ALK: variants seen among roughly 807,000 people sequenced by gnomAD.
ALK encodes ALK receptor tyrosine kinase.
ALK carries 74 observed loss-of-function variants against 163.1 expected under a neutral mutation model. The observed-to-expected ratio is 0.45, with a 90% CI of 0.38 to 0.55. The LOEUF is 0.55. Ranked by LOEUF, ALK falls within the 20% of genes least tolerant of loss-of-function variation. ALK has a pLI of 0.00. For missense variants in ALK, 2,063 were observed against 2,105.3 expected, an observed-to-expected ratio of 0.98 and a Z score of 0.39; for synonymous variants, 960 against 843.2, an observed-to-expected ratio of 1.14 and a Z score of -2.40.
intron 3 of ALK, among the ~76,000 whole-genome samples, chr2:29,665,800 C>A (rs939790250): frequency 5.9e-5 from 9 of 152,070 alleles, no homozygotes; most frequent in African/African-American, 2.2e-4. Context: ...GGATTGGAAC[C>A]TACGTAGACT....
chr2:29,637,350 A>G (rs561463664), intron 3 of ALK, among the ~76,000 whole-genome samples: 5 of 152,312 alleles, frequency 3.3e-5, no homozygotes, highest in South Asian at 2.1e-4. Flanking sequence ...TTTATGCCTT[A>G]CGACTCCATT....
chr2:29,446,331 C>T (rs1670683186), intron 4 of ALK, among the ~76,000 whole-genome samples: 1 of 151,982 alleles, frequency 6.6e-6, no homozygotes, highest in Non-Finnish European at 1.5e-5. Flanking sequence ...GACTATTTAC[C>T]AGGCTATAAC....
intron 4 of ALK, among the ~76,000 whole-genome samples, chr2:29,478,780 A>G (rs1671589524): frequency 6.6e-6 from 1 of 152,198 alleles, no homozygotes; most frequent in African/African-American, 2.4e-5. Flanking sequence ...TGGGTTTTGA[A>G]GGGCAGGCAG....
intron 3 of ALK, among the ~76,000 whole-genome samples, chr2:29,579,107 C>A (rs995094855): frequency 6.6e-6 from 1 of 152,236 alleles, no homozygotes; most frequent in Non-Finnish European, 1.5e-5. Context: ...GGTAGCCCTG[C>A]TGAATGGGTC....
At chr2:29,196,440 G>T (rs1329426351) in intron 28 of ALK, among the ~76,000 whole-genome samples, 1 of 152,172 alleles carries the variant, frequency 6.6e-6, no homozygotes, top group East Asian at 1.9e-4. Context: ...GAGCAGATGT[G>T]TTCCATACGT....
intron 3 of ALK, among the ~76,000 whole-genome samples, chr2:29,576,592 C>T (rs1264494457): frequency 6.6e-6 from 1 of 152,180 alleles, no homozygotes; most frequent in Non-Finnish European, 1.5e-5. Context: ...GCCATGCTAG[C>T]AGGTCCTCTG....
intron 25 of ALK, among the ~76,000 whole-genome samples, chr2:29,207,884 A>G (rs1669355611): frequency 6.6e-6 from 1 of 152,230 alleles, no homozygotes; most frequent in African/African-American, 2.4e-5. Context: ...ACTCACTGCT[A>G]AAAACCAATA....
rs772496459 is a variant in ALK, at chr2:29,296,952, C to G, written c.1753G>C (p.Ala585Pro). ...KEQGRMVWHV[A>P]AYEGLSLWQW... ...CACAGGCTCAAGCCTTCATAGGCGG[C>G]GACATGCCAGACCATCCTGCCTTGC... is the stretch of plus-strand genomic sequence containing the variant. The change falls in exon 9 of 29, where the codon GCC becomes CCC. Residue 585 changes from alanine (A) to proline (P), a missense_variant. Physicochemically the swap from Ala to Pro is conservative, Grantham distance 27 (BLOSUM62 -1). Coordinates refer to ENST00000389048, the MANE Select transcript of ALK (RefSeq NM_004304.5). 1 of 1,614,180 alleles carries G rather than the reference C, an allele frequency of 6.2e-7. No homozygotes were observed. The highest frequency in any genetic ancestry group is 1.1e-5 in the South Asian group (1 of 91,078).
At chr2:29,462,784 T>C (rs1671117825) in intron 4 of ALK, among the ~76,000 whole-genome samples, 1 of 152,196 alleles carries the variant, frequency 6.6e-6, no homozygotes, top group South Asian at 2.1e-4. Context: ...TGGCTCCTTT[T>C]TGCTACAATG....
intron 1 of ALK, among the ~76,000 whole-genome samples, chr2:29,787,010 T>C (rs1017273295): frequency 2.6e-5 from 4 of 152,184 alleles, no homozygotes; most frequent in African/African-American, 9.7e-5. Flanking sequence ...TTAGCCAGGA[T>C]GGTCTCGATC....
At chr2:29,448,554 A>G (rs898286671) in intron 4 of ALK, among the ~76,000 whole-genome samples, 1 of 152,218 alleles carries the variant, frequency 6.6e-6, no homozygotes, top group South Asian at 2.1e-4. Flanking sequence ...AACAGCAGAC[A>G]CTGATATATG....
At chr2:29,339,830 AG>A (rs1372649754) in intron 5 of ALK, among the ~76,000 whole-genome samples, 1 of 152,138 alleles carries the variant, frequency 6.6e-6, no homozygotes, top group African/African-American at 2.4e-5. Flanking sequence ...AGAGCCTATG[AG>A]GGCTGGTTTC....
chr2:29,540,234 G>A (rs1451172143), intron 3 of ALK, among the ~76,000 whole-genome samples: 1 of 152,134 alleles, frequency 6.6e-6, no homozygotes, highest in Admixed American at 6.5e-5. Context: ...CCTGTGGTAA[G>A]TAAAAGATGT....
chr2:29,265,898 T>C (rs1354360295), intron 11 of ALK, among the ~76,000 whole-genome samples: 2 of 152,074 alleles, frequency 1.3e-5, no homozygotes, highest in Non-Finnish European at 2.9e-5. Flanking sequence ...TGAGGCAGAA[T>C]TGCTTGAACC....
chr2:29,249,930 T>A (rs1329585202), intron 12 of ALK, among the ~76,000 whole-genome samples: 1 of 152,146 alleles, frequency 6.6e-6, no homozygotes, highest in Non-Finnish European at 1.5e-5. Flanking sequence ...GGAGTGCCAT[T>A]TAAAAAGCAC....
intron 1 of ALK, among the ~76,000 whole-genome samples, chr2:29,808,103 C>A (rs1297639141): frequency 6.6e-6 from 1 of 152,062 alleles, no homozygotes; most frequent in Non-Finnish European, 1.5e-5. Context: ...TATGCAATTA[C>A]TAAACCATAT....
chr2:29,265,180 G>A (rs1036749803), intron 11 of ALK, among the ~76,000 whole-genome samples: 19 of 151,950 alleles, frequency 1.3e-4, no homozygotes, highest in African/African-American at 3.1e-4. Context: ...CCACCACACC[G>A]GCTAATTTTT....
intron 5 of ALK, among the ~76,000 whole-genome samples, chr2:29,367,818 T>C (rs1668543283): frequency 2.0e-5 from 3 of 152,218 alleles, no homozygotes; most frequent in African/African-American, 4.8e-5. Context: ...CTTGGCTTAT[T>C]TGTCTTTGCC....
chr2:29,202,289 T>C (rs917338757), intron 26 of ALK, among the ~76,000 whole-genome samples: 2 of 152,212 alleles, frequency 1.3e-5, no homozygotes, highest in African/African-American at 4.8e-5. Context: ...CCGCCCACCT[T>C]TGCCAAAAAA....
Sources: allele counts gnomAD v4.1 joint callset (sites outside exome capture counted in the v4.1 genomes callset), GRCh38; gene constraint gnomAD v4.1.1; transcripts MANE v1.5; gene names NCBI Gene and HGNC (gene_info 2026-07-23, HGNC 2026-07-21).